PKDREJ: variants seen among roughly 807,000 people sequenced by gnomAD.
PKDREJ encodes the protein polycystin family receptor for egg jelly.
For synonymous variants in PKDREJ, 1,031 were observed against 1,095.5 expected (o/e 0.94, Z 1.16); for missense variants, 2,507 against 2,807.2 (o/e 0.89, Z 2.42).
Position 46,263,341 on chromosome 22 carries a change from G to C in PKDREJ, c.-19C>G. ...GCCTCATGGCGCCGGCCCAGGAGAA[G>C]CTGGGAGAGGCCGCGAGGCGCGCCC... On this transcript the variant is annotated 5_prime_UTR_variant, in exon 1 of 1. Transcript: ENST00000253255. The surrounding 1 kb of genome is among the most constrained non-coding windows in gnomAD (Gnocchi z 9.4). 3.0e-6 allele frequency: 4 copies of C among 1,346,576 alleles called. No homozygotes were observed. The highest frequency in any genetic ancestry group is 3.8e-6 in the Non-Finnish European group (4 of 1,053,458). 83.4% of individuals were successfully genotyped at this position (1,346,576 alleles called of 1,614,324 possible).
chr22:46,259,615 A>G lies in PKDREJ; in HGVS notation c.3708T>C (p.Ile1236=). 6.2e-7 allele frequency: 1 copy of G among 1,614,200 alleles called. No homozygotes were observed. The change falls in exon 1 of 1, where the codon ATT becomes ATC. Residue 1236 remains isoleucine, a synonymous_variant. Coordinates refer to ENST00000253255, the MANE Select transcript of PKDREJ (RefSeq NM_006071.2). The surrounding 1 kb of genome is among the most constrained non-coding windows in gnomAD (Gnocchi z 6.8). ...CAGACCCCCAACGACTTCCTGTAAAAATAGTCACCAAGTAGCATAAATTAT... is the reference window on the plus strand; with the variant it reads ...CAGACCCCCAACGACTTCCTGTAAAGATAGTCACCAAGTAGCATAAATTAT... ...PYDNLCYLVT[I]FTGSRWGSGT...
In PKDREJ at chr22:46,260,537, G is replaced by A. The variant is rs773896840; in HGVS notation, c.2786C>T (p.Ser929Phe). 3.7e-6 allele frequency: 6 copies of A among 1,613,980 alleles called. No individual in the cohort carries two copies. Among genetic ancestry groups the A allele is most frequent in the Non-Finnish European group, 5.1e-6 (6 of 1,180,006 alleles). ...TGCAACTCCTGTCATTCTGAATCCA[G>A]ACACCTCCACCGAAGTGTTTTCCTG... is the stretch of plus-strand genomic sequence containing the variant. ...NDQENTSVEV[S>F]GFRMTGVADN... is the part of the protein sequence containing the mutation. Residue 929 changes from serine to phenylalanine, a missense_variant, in exon 1 of 1, where the codon TCT becomes TTT. Transcript: ENST00000253255. The surrounding 1 kb of genome is among the most constrained non-coding windows in gnomAD (Gnocchi z 4.5).
chr22:46,260,357 A>T lies in PKDREJ; in HGVS notation c.2966T>A (p.Val989Glu). 1 of 1,614,180 alleles carries T rather than the reference A, an allele frequency of 6.2e-7. No homozygotes were observed. Residue 989 changes from valine (V) to glutamate (E), a missense_variant, in exon 1 of 1, where the codon GTG becomes GAG. Transcript: ENST00000253255. This position sits in a 1 kb window ranked among gnomAD's most constrained non-coding sequence, Gnocchi z 4.5. ...KKTTGGFSFQ[V>E]DSTVLREVLV... ...AACCTCCCTAAGCACTGTGCTGTCC[A>T]CTTGAAAGCTAAACCCACCTGTCGT... is the stretch of plus-strand genomic sequence containing the variant.
Position 46,261,852 on chromosome 22 carries a change from A to G in PKDREJ, c.1471T>C (p.Tyr491His). ...GAAGAAGACAAAATTGACCATTTAT[A>G]GAAATCACGGCTTGCACAATTTGTG... Reference protein sequence around the residue: ...NCTNCASRDFYKWSILSSSGG... With the variant: ...NCTNCASRDFHKWSILSSSGG... Residue 491 changes from tyrosine to histidine, a missense_variant, in exon 1 of 1, where the codon TAT becomes CAT. Tyr to His is a moderately conservative substitution (Grantham distance 83). Transcript: ENST00000253255. The surrounding 1 kb of genome is among the most constrained non-coding windows in gnomAD (Gnocchi z 7.1). 1 of 1,613,936 alleles carries G rather than the reference A, an allele frequency of 6.2e-7. No individual in the cohort carries two copies. Among genetic ancestry groups the G allele is most frequent in the Non-Finnish European group, 8.5e-7 (1 of 1,179,960 alleles).
Position 46,257,599 on chromosome 22 carries a change from A to T in PKDREJ, c.5724T>A (p.Asp1908Glu). 1.2e-6 allele frequency: 2 copies of T among 1,614,108 alleles called. No homozygotes were observed. Among genetic ancestry groups the T allele is most frequent in the South Asian group, 1.1e-5 (1 of 91,052 alleles). The change falls in exon 1 of 1, where the codon GAT (aspartate) becomes GAA (glutamate). Residue 1908 changes from aspartate to glutamate, a missense_variant. Transcript: ENST00000253255. The surrounding 1 kb of genome is among the most constrained non-coding windows in gnomAD (Gnocchi z 4.7). Reference protein sequence around the residue: ...LKELQESNWLDEKTWAVVLEL... With the variant: ...LKELQESNWLEEKTWAVVLEL... ...CCAAAACCACAGCCCATGTCTTCTC[A>T]TCCAGCCAATTGCTTTCTTGAAGTT...
chr22:46,259,071 A>C lies in PKDREJ; in HGVS notation c.4252T>G (p.Ser1418Ala). The change falls in exon 1 of 1, where the codon TCA becomes GCA. Residue 1418 changes from serine to alanine, a missense_variant. Physicochemically the swap from Ser to Ala is moderately conservative, Grantham distance 99. Coordinates refer to ENST00000253255, the MANE Select transcript of PKDREJ (RefSeq NM_006071.2). This position sits in a 1 kb window ranked among gnomAD's most constrained non-coding sequence, Gnocchi z 6.8. ...FNLNRQEQTE[S>A]RERKYMRSMM... ...GATCTCATGTATTTCCTCTCTCTTGACTCAGTTTGTTCTTGTCTATTTAGA... is the reference window on the plus strand; with the variant it reads ...GATCTCATGTATTTCCTCTCTCTTGCCTCAGTTTGTTCTTGTCTATTTAGA... The C allele has an allele frequency of 6.2e-7, 1 of 1,613,554 alleles. No homozygotes were observed. The highest frequency in any genetic ancestry group is 8.5e-7 in the Non-Finnish European group (1 of 1,179,724).
Position 46,263,305 on chromosome 22 carries a change from A to G in PKDREJ, c.18T>C (p.Ala6=). 1 of 1,445,198 alleles carries G rather than the reference A, an allele frequency of 6.9e-7. No homozygotes were observed. The highest frequency in any genetic ancestry group is 9.0e-7 in the Non-Finnish European group (1 of 1,107,744). The allele number at this position is 1,445,198 out of a possible 1,614,324, so 89.5% of individuals were successfully genotyped here. A position where few individuals can be genotyped will look rare whatever the true frequency, so the allele number is the denominator to read the frequency against. ...TCAGGCCCACGCCCAGAAGGAGGAGAGCGGGCCCAGGCCTCATGGCGCCGG... is the reference window on the plus strand; with the variant it reads ...TCAGGCCCACGCCCAGAAGGAGGAGGGCGGGCCCAGGCCTCATGGCGCCGG... MRPGP[A]LLLLGVGLSL... Residue 6 remains alanine, a synonymous_variant, in exon 1 of 1, where the codon GCT becomes GCC. Coordinates refer to ENST00000253255, the MANE Select transcript of PKDREJ (RefSeq NM_006071.2). This position sits in a 1 kb window ranked among gnomAD's most constrained non-coding sequence, Gnocchi z 9.4.
chr22:46,260,419 C>A lies in PKDREJ; in HGVS notation c.2904G>T (p.Val968=), dbSNP rs933111336. 8 of 1,614,172 alleles carry A rather than the reference C, an allele frequency of 5.0e-6. No individual in the cohort carries two copies. Among genetic ancestry groups the A allele is most frequent in the Non-Finnish European group, 6.8e-6 (8 of 1,180,016 alleles). Residue 968 remains valine (V), a synonymous_variant, in exon 1 of 1, where the codon GTG becomes GTT. Transcript: ENST00000253255. The surrounding 1 kb of genome is among the most constrained non-coding windows in gnomAD (Gnocchi z 4.5). ...ACCCATCAACCTCGCTGTTGGGTCC[C>A]ACTGTGAGATTAAAAGCTGCAAAGG... is the stretch of plus-strand genomic sequence containing the variant. ...NLTFAAFNLT[V]GPNSEVDGSL... is the part of the protein sequence containing the mutation.
chr22:46,259,563 G>A lies in PKDREJ; in HGVS notation c.3760C>T (p.Leu1254Phe). The change falls in exon 1 of 1, where the codon CTT becomes TTT. Residue 1254 changes from leucine (L) to phenylalanine (F), a missense_variant. By Grantham distance (22) the Leu-to-Phe change is conservative. Transcript: ENST00000253255. This position sits in a 1 kb window ranked among gnomAD's most constrained non-coding sequence, Gnocchi z 6.8. ...TCGCTGGTACTCACAGTTCCTCTAAGTTGCACAAAGACATTGGCCCTGGTC... is the reference window on the plus strand; with the variant it reads ...TCGCTGGTACTCACAGTTCCTCTAAATTGCACAAAGACATTGGCCCTGGTC... Reference protein sequence around the residue: ...SGTRANVFVQLRGTVSTSDVH... With the variant: ...SGTRANVFVQFRGTVSTSDVH... 1 of 1,614,156 alleles carries A rather than the reference G, an allele frequency of 6.2e-7. No individual in the cohort carries two copies. Among genetic ancestry groups the A allele is most frequent in the Non-Finnish European group, 8.5e-7 (1 of 1,180,024 alleles).
chr22:46,259,018 T>A lies in PKDREJ; in HGVS notation c.4305A>T (p.Leu1435Phe), dbSNP rs1936665090. ...RSMMIGIESV[L>F]ITIPVQLLIT... The stretch of plus-strand genomic sequence containing the variant: ...TTAATAATTGCACAGGGATTGTAAT[T>A]AAGACACTTTCAATTCCTATCATCA... The change falls in exon 1 of 1, where the codon TTA (leucine) becomes TTT (phenylalanine). Residue 1435 changes from leucine (L) to phenylalanine (F), a missense_variant. Leu to Phe is a conservative substitution (Grantham distance 22). Transcript: ENST00000253255. The surrounding 1 kb of genome is among the most constrained non-coding windows in gnomAD (Gnocchi z 6.8). The A allele has an allele frequency of 1.9e-6, 3 of 1,613,998 alleles. No homozygotes were observed.
At position 46,261,183 on chromosome 22, in the gene PKDREJ, C is replaced by G. The variant is rs570544658; in HGVS notation, c.2140G>C (p.Ala714Pro). The G allele has an allele frequency of 2.4e-5, 38 of 1,614,102 alleles. No homozygotes were observed. The highest frequency in any genetic ancestry group is 2.3e-4 in the African/African-American group (17 of 75,032). The part of the protein sequence containing the change: ...LPAGYLLYIV[A>P]SVLNNMKTEL... ...GTTTTCATGTTATTCAAAACGGAAG[C>G]TACTATATACAGTAAGTAACCTGCA... is the stretch of plus-strand genomic sequence containing the variant. The change falls in exon 1 of 1, where the codon GCT becomes CCT. Residue 714 changes from alanine (A) to proline (P), a missense_variant. Coordinates refer to ENST00000253255, the MANE Select transcript of PKDREJ (RefSeq NM_006071.2). This position sits in a 1 kb window ranked among gnomAD's most constrained non-coding sequence, Gnocchi z 7.1.
At position 46,259,272 on chromosome 22, in the gene PKDREJ, G is replaced by A. The variant is rs767132781; in HGVS notation, c.4051C>T (p.Arg1351Cys). The A allele has an allele frequency of 2.1e-5, 34 of 1,613,972 alleles. No individual in the cohort carries two copies. The highest frequency in any genetic ancestry group is 2.5e-5 in the Non-Finnish European group (30 of 1,180,024). Reference sequence around the variant, plus strand: ...AAGAAAAAGTCTTTTCTAGTCAGACGCTCATCTGGATGGGTAACGTGAAAT... The same window carrying A: ...AAGAAAAAGTCTTTTCTAGTCAGACACTCATCTGGATGGGTAACGTGAAAT... ...RTFHVTHPDE[R>C]LTRKDFFFID... The change falls in exon 1 of 1, where the codon CGT becomes TGT. Residue 1351 changes from arginine (R) to cysteine (C), a missense_variant. Coordinates refer to ENST00000253255, the MANE Select transcript of PKDREJ (RefSeq NM_006071.2). The surrounding 1 kb of genome is among the most constrained non-coding windows in gnomAD (Gnocchi z 6.8).
rs375926338 is a variant in PKDREJ at position 46,256,594 on chromosome 22, G to T, written c.6729C>A (p.Ile2243=). 9.3e-6 allele frequency: 15 copies of T among 1,613,630 alleles called. No homozygotes were observed. Among genetic ancestry groups the T allele is most frequent in the Non-Finnish European group, 1.3e-5 (15 of 1,179,890 alleles). The change falls in exon 1 of 1, where the codon ATC becomes ATA. Residue 2243 remains isoleucine, a synonymous_variant. Coordinates refer to ENST00000253255, the MANE Select transcript of PKDREJ (RefSeq NM_006071.2). This position sits in a 1 kb window ranked among gnomAD's most constrained non-coding sequence, Gnocchi z 5.3. ...HRYLGLKTRN[I]NGKKMVYLVV is the part of the protein sequence containing the mutation. The stretch of plus-strand genomic sequence containing the variant: ...CAAGGTAAACCATTTTCTTCCCGTT[G>T]ATGTTTCTGGTCTTCAGCCCCAGAT...
rs368175992 is a variant in PKDREJ, at chr22:46,259,787, C to A, written c.3536G>T (p.Ser1179Ile). 6.2e-7 allele frequency: 1 copy of A among 1,613,930 alleles called. No homozygotes were observed. Among genetic ancestry groups the A allele is most frequent in the African/African-American group, 1.3e-5 (1 of 74,868 alleles). ...GAGGGTCACGGGGTTTTGGTGAAGG[C>A]TCTTGATGATGTTTAACCGTAGATC... is the stretch of plus-strand genomic sequence containing the variant. Reference protein sequence around the residue: ...PVDLRLNIIKSLHQNPVTLFT... With the variant: ...PVDLRLNIIKILHQNPVTLFT... The change falls in exon 1 of 1, where the codon AGC becomes ATC. Residue 1179 changes from serine to isoleucine, a missense_variant. Transcript: ENST00000253255. This position sits in a 1 kb window ranked among gnomAD's most constrained non-coding sequence, Gnocchi z 6.8.
rs1936690994 is a variant in PKDREJ, at chr22:46,261,067, A to G, written c.2256T>C (p.Ile752=). 1 of 1,614,194 alleles carries G rather than the reference A, an allele frequency of 6.2e-7. No individual in the cohort carries two copies. Among genetic ancestry groups the G allele is most frequent in the East Asian group, 2.2e-5 (1 of 44,882 alleles). Reference sequence around the variant, plus strand: ...TGGTAATAGTCATGACTACCTGGCCAATTTCTACCAAAGTGCTTACAGGAA... The same window carrying G: ...TGGTAATAGTCATGACTACCTGGCCGATTTCTACCAAAGTGCTTACAGGAA... ...FLLPVSTLVE[I]GQVVMTITKL... is the part of the protein sequence containing the mutation. The change falls in exon 1 of 1, where the codon ATT becomes ATC. Residue 752 remains isoleucine, a synonymous_variant. Coordinates refer to ENST00000253255, the MANE Select transcript of PKDREJ (RefSeq NM_006071.2). The surrounding 1 kb of genome is among the most constrained non-coding windows in gnomAD (Gnocchi z 7.1).
Position 46,255,670 on chromosome 22 carries a change from A to G in PKDREJ, c.*891T>C, listed in dbSNP as rs1036776525. On this transcript the variant is annotated 3_prime_UTR_variant, in exon 1 of 1. Transcript: ENST00000253255. The stretch of plus-strand genomic sequence containing the variant: ...CAGAAATCACTGCAAGGCTCAAAGA[A>G]GAAATCTCACATTTAATTCTGATAA... 3 of 152,246 alleles carry G rather than the reference A, an allele frequency of 2.0e-5. No homozygotes were observed. Among genetic ancestry groups the G allele is most frequent in the African/African-American group, 7.2e-5 (3 of 41,464 alleles). 9.4% of individuals were successfully genotyped at this position (152,246 alleles called of 1,614,324 possible).
In PKDREJ at chr22:46,261,109, G is replaced by T. The variant is rs368849728; in HGVS notation, c.2214C>A (p.Ile738=). 2.5e-6 allele frequency: 4 copies of T among 1,614,144 alleles called. No individual in the cohort carries two copies. The East Asian group carries it at 8.9e-5, about 36-fold the overall frequency. Residue 738 remains isoleucine, a synonymous_variant, in exon 1 of 1, where the codon ATC becomes ATA. Transcript: ENST00000253255. The surrounding 1 kb of genome is among the most constrained non-coding windows in gnomAD (Gnocchi z 7.1). ...TTACAGGAAGAAGGAAAGACTGATCGATGAGGTGTTTTCGGAGATTGACTC... is the reference window on the plus strand; with the variant it reads ...TTACAGGAAGAAGGAAAGACTGATCTATGAGGTGTTTTCGGAGATTGACTC... ...DDRVNLRKHL[I]DQSFLLPVST... is the part of the protein sequence containing the mutation.
Position 46,263,077 on chromosome 22 carries a change from G to T in PKDREJ, c.246C>A (p.Gly82=). 7.5e-7 allele frequency: 1 copy of T among 1,330,094 alleles called. No homozygotes were observed. Among genetic ancestry groups the T allele is most frequent in the Non-Finnish European group, 9.7e-7 (1 of 1,029,558 alleles). 82.4% of individuals were successfully genotyped at this position (1,330,094 alleles called of 1,614,324 possible). The change falls in exon 1 of 1, where the codon GGC becomes GGA. Residue 82 remains glycine (G), a synonymous_variant. Coordinates refer to ENST00000253255, the MANE Select transcript of PKDREJ (RefSeq NM_006071.2). This position sits in a 1 kb window ranked among gnomAD's most constrained non-coding sequence, Gnocchi z 9.4. ...SGRGSLCFPH[G]GTGRRWYCLD... ...GGCAGTACCAGCGCCGCCCGGTCCCGCCATGGGGGAAGCAGAGGCTGCCGC... is the reference window on the plus strand; with the variant it reads ...GGCAGTACCAGCGCCGCCCGGTCCCTCCATGGGGGAAGCAGAGGCTGCCGC...
At position 46,256,843 on chromosome 22, in the gene PKDREJ, G is replaced by A. The variant is rs754508606; in HGVS notation, c.6480C>T (p.Ile2160=). 8.1e-6 allele frequency: 13 copies of A among 1,613,910 alleles called. No individual in the cohort carries two copies. Among genetic ancestry groups the A allele is most frequent in the Admixed American group, 3.3e-5 (2 of 60,000 alleles). The part of the protein sequence containing the change: ...LFLSSFMLVM[I]CVLINLFQAV... ...CCTGAAATAAGTTGATCAAGACGCA[G>A]ATCATCACCAGCATGAAAGATGAGA... The change falls in exon 1 of 1, where the codon ATC becomes ATT. Residue 2160 remains isoleucine, a synonymous_variant. Coordinates refer to ENST00000253255, the MANE Select transcript of PKDREJ (RefSeq NM_006071.2). The surrounding 1 kb of genome is among the most constrained non-coding windows in gnomAD (Gnocchi z 5.3).
Sources: gnomAD v4.1 joint callset for allele counts on GRCh38, gnomAD v4.1.1 for gene constraint, Gnocchi (gnomAD v3.1) non-coding constraint, MANE v1.5 for transcripts, NCBI Gene and HGNC (gene_info 2026-07-23, HGNC 2026-07-21) for gene names.